Variants in DCDC2 observed in about 807,000 individuals in gnomAD.
DCDC2 encodes doublecortin domain-containing protein 2.
In DCDC2, 40 loss-of-function variants were observed where a neutral mutation model predicts 50.2. The observed-to-expected ratio is 0.80, with a 90% CI of 0.62 to 1.04. DCDC2 has a LOEUF of 1.04. Among genes scored for constraint, DCDC2 ranks in the 50% least tolerant of loss-of-function variants. The pLI, the probability that DCDC2 is intolerant of heterozygous loss-of-function variation, is 0.00. For missense variants in DCDC2, 570 were observed against 581.9 expected (o/e 0.98, Z 0.21); for synonymous variants, 234 against 210.6 (o/e 1.11, Z -0.96).
Position 24,357,439 on chromosome 6 carries a change from G to A in DCDC2, c.293+19C>T. On this transcript the variant is annotated intron_variant, in intron 1 of 9. Coordinates refer to ENST00000378454, the MANE Select transcript of DCDC2 (RefSeq NM_016356.5). ...TATAGGGCACCTAAATGGGTGGGCGGTGGGGGAGACCGACTCACTTGAGTT... is the reference window on the plus strand; with the variant it reads ...TATAGGGCACCTAAATGGGTGGGCGATGGGGGAGACCGACTCACTTGAGTT... 6.3e-7 allele frequency: 1 copy of A among 1,581,278 alleles called. No homozygotes were observed. The highest frequency in any genetic ancestry group is 8.6e-7 in the Non-Finnish European group (1 of 1,162,574).
chr6:24,313,379 G>GA (rs1006792864), intron 2 of DCDC2, among the ~76,000 whole-genome samples: 37 of 149,184 alleles, frequency 2.5e-4, no homozygotes, highest in Admixed American at 7.3e-4. Flanking sequence ...AAGCACTGGG[G>GA]AAAAAAAAAA....
intron 7 of DCDC2, among the ~76,000 whole-genome samples, chr6:24,269,574 A>G (rs2066215): frequency 0.036 from 5,506 of 152,280 alleles, 226 homozygotes; most frequent in African/African-American, 0.1. Flanking sequence ...TAGGGACTCA[A>G]TAAATGTTCA....
chr6:24,210,068 CTGT>C (rs199676624), intron 7 of DCDC2, among the ~76,000 whole-genome samples: 4,749 of 146,984 alleles, frequency 0.032, 78 homozygotes, highest in African/African-American at 0.053. Flanking sequence ...GTCTGTCTGT[CTGT>C]CTGCCTGCCT....
intron 8 of DCDC2, among the ~76,000 whole-genome samples, chr6:24,179,444 A>G (rs904091816): frequency 1.4e-5 from 2 of 142,596 alleles, no homozygotes; most frequent in African/African-American, 5.3e-5. Context: ...GCTACTCGGG[A>G]GGCTGAGGCA....
chr6:24,179,316 G>A (rs1380196856), intron 8 of DCDC2, among the ~76,000 whole-genome samples: 1 of 151,980 alleles, frequency 6.6e-6, no homozygotes, highest in Non-Finnish European at 1.5e-5. Context: ...GGGAGGCCGA[G>A]GCGGGCAGAT....
At chr6:24,352,997 C>A (rs1011964892) in intron 2 of DCDC2, among the ~76,000 whole-genome samples, 1 of 152,200 alleles carries the variant, frequency 6.6e-6, no homozygotes, top group Non-Finnish European at 1.5e-5. Context: ...TCAGAAGCTA[C>A]GTGGAATGCG....
chr6:24,211,310 G>C (rs1581589111), intron 7 of DCDC2, among the ~76,000 whole-genome samples: 2 of 152,320 alleles, frequency 1.3e-5, no homozygotes, highest in East Asian at 3.9e-4. Flanking sequence ...ATGGAGGGTA[G>C]AGAGGAGAAC....
chr6:24,176,752 G>A lies in DCDC2; in HGVS notation c.1326+1578C>T, dbSNP rs529099498. On this transcript the variant is annotated intron_variant, in intron 9 of 9. Transcript: ENST00000378454. ...TTCTCGCAGAAATTTTGTATCATTT[G>A]ACCAACATCTCTCCAACCCTGTACT... 5.3e-5 allele frequency among the ~76,000 whole-genome samples: 8 copies of A among 152,182 alleles called. No homozygotes were observed. In the South Asian group the frequency reaches 1.5e-3, roughly 28 times the overall value.
chr6:24,231,915 A>T (rs922983628), intron 7 of DCDC2, among the ~76,000 whole-genome samples: 6 of 152,228 alleles, frequency 3.9e-5, no homozygotes, highest in Admixed American at 3.9e-4. Context: ...GCAGAGAGAA[A>T]TTATTCACTG....
At chr6:24,208,451 A>C (rs1158028647) in intron 7 of DCDC2, among the ~76,000 whole-genome samples, 3 of 148,308 alleles carry the variant, frequency 2.0e-5, no homozygotes, top group Non-Finnish European at 4.4e-5. Flanking sequence ...GCTCACCGCA[A>C]GCTCCGCCTC....
intron 7 of DCDC2, among the ~76,000 whole-genome samples, chr6:24,261,812 A>G (rs1763016553): frequency 6.6e-6 from 1 of 152,174 alleles, no homozygotes; most frequent in South Asian, 2.1e-4. Context: ...GGCATCAGAT[A>G]TCTTAACAGC....
intron 2 of DCDC2, among the ~76,000 whole-genome samples, chr6:24,328,934 T>G (rs1377342550): frequency 6.6e-6 from 1 of 152,220 alleles, no homozygotes; most frequent in Non-Finnish European, 1.5e-5. Flanking sequence ...TTACTTAATA[T>G]TTCTTGATAA....
At chr6:24,176,923 C>A (rs1053119164) in intron 9 of DCDC2, among the ~76,000 whole-genome samples, 4 of 152,152 alleles carry the variant, frequency 2.6e-5, no homozygotes, top group Non-Finnish European at 5.9e-5. Flanking sequence ...TTATTCATGT[C>A]ATTGCAAATT....
chr6:24,197,260 T>C (rs927610578), intron 8 of DCDC2, among the ~76,000 whole-genome samples: 9 of 152,222 alleles, frequency 5.9e-5, no homozygotes, highest in Non-Finnish European at 1.2e-4. Context: ...GAGATCAATT[T>C]TCCCTCCCAA....
intron 7 of DCDC2, among the ~76,000 whole-genome samples, chr6:24,219,631 A>T (rs1156505389): frequency 6.6e-6 from 1 of 152,222 alleles, no homozygotes. Context: ...CTGTGTGGGT[A>T]TACGACCTGT....
At chr6:24,377,759 G>A in the DCDC2 span, among the ~76,000 whole-genome samples, 1 of 152,172 alleles carries the variant, frequency 6.6e-6, no homozygotes, top group Non-Finnish European at 1.5e-5. Context: ...AGGCCGAGGG[G>A]GGTGGATCAC....
In DCDC2 at chr6:24,278,353, T is replaced by C. The variant is rs549142612; in HGVS notation, c.760-142A>G. On this transcript the variant is annotated intron_variant, in intron 6 of 9. Coordinates refer to ENST00000378454, the MANE Select transcript of DCDC2 (RefSeq NM_016356.5). ...CTGGTTCTGCAACTGTCTATCTTTA[T>C]ACATTAACTCCAAATGTATCTTCCT... 7.7e-6 allele frequency: 5 copies of C among 652,562 alleles called. No homozygotes were observed. In the South Asian group the frequency reaches 1.3e-4, roughly 17 times the overall value. The allele number at this position is 652,562 out of a possible 1,614,324, so 40.4% of individuals were successfully genotyped here. A position where few individuals can be genotyped will look rare whatever the true frequency, so the allele number is the denominator to read the frequency against.
chr6:24,340,321 A>G (rs951820900), intron 2 of DCDC2, among the ~76,000 whole-genome samples: 1 of 152,224 alleles, frequency 6.6e-6, no homozygotes, highest in African/African-American at 2.4e-5. Flanking sequence ...AATATTATTG[A>G]TAAAATTAAT....
chr6:24,230,072 C>T (rs1301198851), intron 7 of DCDC2, among the ~76,000 whole-genome samples: 2 of 152,126 alleles, frequency 1.3e-5, no homozygotes, highest in East Asian at 1.9e-4. Context: ...AGGGATTTTA[C>T]CATTAGGAAA....
Sources: gnomAD v4.1 joint callset for allele counts (sites outside exome capture counted in the v4.1 genomes callset) on GRCh38, gnomAD v4.1.1 for gene constraint, MANE v1.5 for transcripts, NCBI Gene and HGNC (gene_info 2026-07-23, HGNC 2026-07-21) for gene names.